The following DPF3 variants were observed in gnomAD, a reference collection of about 807,000 sequenced individuals.
DPF3 encodes the protein zinc finger protein DPF3.
A neutral mutation model predicts 56.8 loss-of-function variants in DPF3; 18 were observed. The ratio of observed to expected loss-of-function variants is 0.32; its 90% CI spans 0.22 to 0.47. The LOEUF is 0.47. DPF3 is among the 20% of genes least tolerant of loss of function. The probability of loss-of-function intolerance (pLI) is 1.00; values close to 1 mark genes in which losing one functional copy is unlikely to be tolerated. For missense variants in DPF3, 403 were observed against 488.8 expected (o/e 0.82, Z 1.65); for synonymous variants, 188 against 180.2 (o/e 1.04, Z -0.35).
intron 4 of DPF3, among the ~76,000 whole-genome samples, chr14:72,726,531 C>T (rs1470575414): frequency 2.6e-5 from 4 of 152,290 alleles, no homozygotes; most frequent in East Asian, 3.9e-4. Context: ...GATGTGATGG[C>T]GGCAGACCCA....
intron 1 of DPF3, among the ~76,000 whole-genome samples, chr14:72,875,051 A>T (rs938226903): frequency 1.3e-5 from 2 of 152,226 alleles, no homozygotes; most frequent in African/African-American, 4.8e-5. Context: ...ATGAGGAAGA[A>T]GCAAAAGCTG....
intron 2 of DPF3, among the ~76,000 whole-genome samples, chr14:72,767,284 C>T (rs987858633): frequency 3.9e-5 from 6 of 152,026 alleles, no homozygotes; most frequent in African/African-American, 1.2e-4. Context: ...TTATGAAGAA[C>T]CAGGAAAATC....
At chr14:72,886,137 T>C (rs1261774604) in intron 1 of DPF3, among the ~76,000 whole-genome samples, 1 of 152,070 alleles carries the variant, frequency 6.6e-6, no homozygotes, top group Non-Finnish European at 1.5e-5. Flanking sequence ...TTTGGGAAGC[T>C]GAGGCGGGTG....
At chr14:72,650,109 C>T (rs1885861625) in intron 8 of DPF3, among the ~76,000 whole-genome samples, 1 of 152,130 alleles carries the variant, frequency 6.6e-6, no homozygotes, top group Non-Finnish European at 1.5e-5. Context: ...CACAACCCTC[C>T]CGCCCCATCC....
intron 1 of DPF3, among the ~76,000 whole-genome samples, chr14:72,884,778 C>G (rs1886449311): frequency 6.6e-6 from 1 of 151,002 alleles, no homozygotes; most frequent in Admixed American, 6.6e-5. Flanking sequence ...CCCTGACCCC[C>G]ACGAGGAGTC....
chr14:72,689,990 C>T (rs951402881), intron 7 of DPF3, among the ~76,000 whole-genome samples: 2 of 151,890 alleles, frequency 1.3e-5, no homozygotes, highest in African/African-American at 4.8e-5. Flanking sequence ...CCTGGGAATA[C>T]CTATTATTTT....
intron 8 of DPF3, among the ~76,000 whole-genome samples, chr14:72,641,756 G>C (rs1885571810): frequency 6.6e-6 from 1 of 152,228 alleles, no homozygotes; most frequent in Non-Finnish European, 1.5e-5. Context: ...CTCTTTTCAA[G>C]AAGTGGAGGC....
intron 1 of DPF3, among the ~76,000 whole-genome samples, chr14:72,786,382 T>C (rs1305845239): frequency 6.6e-6 from 1 of 152,188 alleles, no homozygotes; most frequent in African/African-American, 2.4e-5. Flanking sequence ...GATTCCTCCA[T>C]CGTTTATGGC....
chr14:72,715,041 A>G (rs115078936), intron 5 of DPF3, among the ~76,000 whole-genome samples: 2,457 of 152,322 alleles, frequency 0.016, 65 homozygotes, highest in African/African-American at 0.057. Flanking sequence ...AGAGCCAGAC[A>G]GTCCTGACAT....
chr14:72,836,621 C>T, intron 1 of DPF3: 1 of 774,704 alleles, frequency 1.3e-6, no homozygotes, highest in Non-Finnish European at 1.6e-6. Flanking sequence ...AAGGAAACCT[C>T]CTACCCAGTG....
At chr14:72,821,579 C>T (rs1172956502) in intron 1 of DPF3, among the ~76,000 whole-genome samples, 1 of 152,182 alleles carries the variant, frequency 6.6e-6, no homozygotes, top group African/African-American at 2.4e-5. Flanking sequence ...CAAATATACT[C>T]AACGTATACA....
At chr14:72,745,385 A>G (rs1018596498) in intron 3 of DPF3, among the ~76,000 whole-genome samples, 8 of 152,102 alleles carry the variant, frequency 5.3e-5, no homozygotes, top group African/African-American at 1.9e-4. Context: ...TACAAGTACT[A>G]TATATTTAAC....
At chr14:72,762,236 C>T (rs1314209453) in intron 2 of DPF3, among the ~76,000 whole-genome samples, 2 of 151,718 alleles carry the variant, frequency 1.3e-5, no homozygotes, top group Non-Finnish European at 3.0e-5. Flanking sequence ...ACAGACATTA[C>T]AAGAAAACTA....
At chr14:72,859,917 C>T (rs1599502013) in intron 1 of DPF3, among the ~76,000 whole-genome samples, 1 of 150,932 alleles carries the variant, frequency 6.6e-6, no homozygotes, top group South Asian at 2.1e-4. Flanking sequence ...GTGCCAAGAG[C>T]TAGAATACCA....
intron 1 of DPF3, among the ~76,000 whole-genome samples, chr14:72,795,366 G>A (rs1892608807): frequency 6.7e-6 from 1 of 149,328 alleles, no homozygotes; most frequent in African/African-American, 2.5e-5. Context: ...CATCGCTCTG[G>A]GTTCAAATCT....
At chr14:72,707,030 T>C (rs1406378042) in intron 6 of DPF3, among the ~76,000 whole-genome samples, 2 of 151,948 alleles carry the variant, frequency 1.3e-5, no homozygotes, top group Non-Finnish European at 1.5e-5. Context: ...CCTGTGTCCA[T>C]GTGTTCTCAT....
intron 8 of DPF3, among the ~76,000 whole-genome samples, chr14:72,650,862 C>T (rs906988337): frequency 2.0e-5 from 3 of 152,136 alleles, no homozygotes; most frequent in African/African-American, 4.8e-5. Context: ...CACAGACACC[C>T]GGGAACACTG....
chr14:72,622,315 T>C (rs1884504229), intron 9 of DPF3, among the ~76,000 whole-genome samples: 1 of 152,018 alleles, frequency 6.6e-6, no homozygotes, highest in African/African-American at 2.4e-5. Context: ...AAAAAAAGAC[T>C]GAAAAGGAAC....
chr14:72,835,446 C>T (rs900389974), intron 1 of DPF3, among the ~76,000 whole-genome samples: 1 of 152,194 alleles, frequency 6.6e-6, no homozygotes, highest in East Asian at 1.9e-4. Flanking sequence ...CACTGAATTA[C>T]GCACTTTCAA....
Sources: gnomAD v4.1 joint callset for allele counts (sites outside exome capture counted in the v4.1 genomes callset) on GRCh38, gnomAD v4.1.1 for gene constraint, MANE v1.5 for transcripts, NCBI Gene and HGNC (gene_info 2026-07-23, HGNC 2026-07-21) for gene names.